The following GALNT13 variants were observed in gnomAD, a reference collection of about 807,000 sequenced individuals.
GALNT13 encodes the protein UDP-GalNAc:polypeptide N-acetylgalactosaminyltransferase 13.
Under a neutral mutation model 64.2 loss-of-function variants are expected in GALNT13, and 28 were observed. The observed-to-expected ratio is 0.44, with a 90% CI of 0.32 to 0.60. The LOEUF (loss-of-function observed/expected upper bound fraction) is 0.60. GALNT13 is among the 20% of genes least tolerant of loss of function. The pLI is 0.05. For synonymous variants in GALNT13, 214 were observed against 224.6 expected (o/e 0.95, Z 0.42); for missense variants, 577 against 669.8 (o/e 0.86, Z 1.53).
chr2:154,156,242 G>A (rs540045176), intron 4 of GALNT13, among the ~76,000 whole-genome samples: 6 of 151,864 alleles, frequency 4.0e-5, no homozygotes, highest in East Asian at 1.9e-4. Context: ...ATAAAATGGC[G>A]TTGAATTTCA....
chr2:153,447,549 C>T, the GALNT13 span, among the ~76,000 whole-genome samples: 1 of 152,170 alleles, frequency 6.6e-6, no homozygotes, highest in African/African-American at 2.4e-5. Flanking sequence ...CTACATCTTT[C>T]TCCTGTCTTT....
rs554619857 is a variant in GALNT13, at chr2:154,201,223, G to C, written c.312-40807G>C. ...GCAGAGTGATGAAATTATACTGTTA[G>C]TAGTTAATAAAGACAATAGAAAGTC... On this transcript the variant is annotated intron_variant, in intron 4 of 12. Transcript: ENST00000392825. Among the ~76,000 whole-genome samples the C allele has an allele frequency of 2.0e-5, 3 of 152,192 alleles. No homozygotes were observed. In the East Asian group the frequency reaches 5.8e-4, roughly 29 times the overall value.
At chr2:154,411,144 C>A (rs1407432713) in intron 11 of GALNT13, among the ~76,000 whole-genome samples, 1 of 151,702 alleles carries the variant, frequency 6.6e-6, no homozygotes, top group Non-Finnish European at 1.5e-5. Flanking sequence ...CTGTTATTTT[C>A]ATAGTAACTA....
the GALNT13 span, among the ~76,000 whole-genome samples, chr2:153,726,528 T>G: frequency 6.6e-6 from 1 of 152,206 alleles, no homozygotes; most frequent in Non-Finnish European, 1.5e-5. Context: ...ATAAAACGCT[T>G]TCAGACAATG....
chr2:153,180,622 G>A, the GALNT13 span, among the ~76,000 whole-genome samples: 3,727 of 152,196 alleles, frequency 0.024, 160 homozygotes, highest in African/African-American at 0.085. Context: ...ATGTTTGGGC[G>A]AATTCAGCAG....
the GALNT13 span, among the ~76,000 whole-genome samples, chr2:153,099,322 A>T: frequency 1.3e-5 from 2 of 152,154 alleles, no homozygotes; most frequent in African/African-American, 4.8e-5. Context: ...TTGATGGTAA[A>T]GGAATGGATT....
chr2:153,476,628 C>T, the GALNT13 span, among the ~76,000 whole-genome samples: 3 of 152,136 alleles, frequency 2.0e-5, no homozygotes, highest in Admixed American at 6.5e-5. Context: ...TTGTAATACT[C>T]ATCTCCCACA....
chr2:153,094,769 C>G, the GALNT13 span, among the ~76,000 whole-genome samples: 12 of 152,166 alleles, frequency 7.9e-5, no homozygotes, highest in East Asian at 2.1e-3. Flanking sequence ...ACAATCCTGA[C>G]AAAAACAAGA....
chr2:153,853,902 C>A, the GALNT13 span, among the ~76,000 whole-genome samples: 1 of 151,608 alleles, frequency 6.6e-6, no homozygotes, highest in East Asian at 1.9e-4. Flanking sequence ...ATTATGAAAA[C>A]GCATGAGGAA....
chr2:154,037,776 A>G (rs1029187638), intron 3 of GALNT13, among the ~76,000 whole-genome samples: 1 of 152,210 alleles, frequency 6.6e-6, no homozygotes, highest in Non-Finnish European at 1.5e-5. Flanking sequence ...GCAAAAAATT[A>G]CATACCTAAG....
intron 3 of GALNT13, among the ~76,000 whole-genome samples, chr2:154,058,654 C>G (rs1317214405): frequency 6.6e-6 from 1 of 152,138 alleles, no homozygotes; most frequent in Non-Finnish European, 1.5e-5. Context: ...AGCCAGGGTC[C>G]TGGCCCTAGG....
At chr2:153,179,521 C>T in the GALNT13 span, among the ~76,000 whole-genome samples, 163 of 151,930 alleles carry the variant, frequency 1.1e-3, no homozygotes, top group South Asian at 4.8e-3. Context: ...TTATGATTGC[C>T]TTAGTTTTTC....
At chr2:153,553,774 A>G in the GALNT13 span, among the ~76,000 whole-genome samples, 1 of 152,130 alleles carries the variant, frequency 6.6e-6, no homozygotes, top group Non-Finnish European at 1.5e-5. Context: ...GCAACACTTG[A>G]GGGGGCTCAG....
At chr2:154,278,471 T>C (rs760875969) in intron 8 of GALNT13, among the ~76,000 whole-genome samples, 12 of 152,212 alleles carry the variant, frequency 7.9e-5, no homozygotes, top group Admixed American at 2.6e-4. Flanking sequence ...AGGCAAAGGA[T>C]AAGGAATTAA....
chr2:153,174,079 C>T, the GALNT13 span, among the ~76,000 whole-genome samples: 1 of 152,142 alleles, frequency 6.6e-6, no homozygotes, highest in Admixed American at 6.5e-5. Flanking sequence ...GGTGGTGGCT[C>T]CACCTGTCTT....
At chr2:153,082,226 AG>A in the GALNT13 span, among the ~76,000 whole-genome samples, 1 of 152,090 alleles carries the variant, frequency 6.6e-6, no homozygotes, top group African/African-American at 2.4e-5. Context: ...GTTCTTTAGT[AG>A]TGACTTCTGA....
At chr2:154,083,111 G>A (rs1222603601) in intron 3 of GALNT13, among the ~76,000 whole-genome samples, 1 of 151,958 alleles carries the variant, frequency 6.6e-6, no homozygotes, top group Non-Finnish European at 1.5e-5. Context: ...AAGGGGTCCA[G>A]TTTCAGTTTT....
the GALNT13 span, among the ~76,000 whole-genome samples, chr2:153,774,505 G>A: frequency 2.6e-5 from 4 of 152,114 alleles, no homozygotes; most frequent in East Asian, 1.9e-4. Context: ...TTCATCAAAC[G>A]TTTATATGGG....
the GALNT13 span, among the ~76,000 whole-genome samples, chr2:153,304,348 T>C: frequency 7.5e-3 from 1,137 of 152,070 alleles, 1 homozygote; most frequent in Non-Finnish European, 0.013. Flanking sequence ...ATGAACTTAA[T>C]TGGATTGAGG....
Sources: gnomAD v4.1 joint callset for allele counts (sites outside exome capture counted in the v4.1 genomes callset) on GRCh38, gnomAD v4.1.1 for gene constraint, MANE v1.5 for transcripts, NCBI Gene and HGNC (gene_info 2026-07-23, HGNC 2026-07-21) for gene names.